PLEKHM3: variants seen among roughly 807,000 people sequenced by gnomAD.
PLEKHM3 encodes pleckstrin homology domain containing M3.
In PLEKHM3, 45 loss-of-function variants were observed where a neutral mutation model predicts 81.8. The observed-to-expected ratio is 0.55, with a 90% confidence interval of 0.43 to 0.71. PLEKHM3 has a LOEUF of 0.71. PLEKHM3 is among the 30% of genes least tolerant of loss of function. The pLI, the probability that PLEKHM3 is intolerant of heterozygous loss-of-function variation, is 0.00. For synonymous variants in PLEKHM3, 352 were observed against 356.4 expected (o/e 0.99, Z 0.14); for missense variants, 788 against 924.3 (o/e 0.85, Z 1.91).
At chr2:207,945,707 G>A (rs1278787109) in intron 4 of PLEKHM3, among the ~76,000 whole-genome samples, 1 of 152,140 alleles carries the variant, frequency 6.6e-6, no homozygotes, top group African/African-American at 2.4e-5. Flanking sequence ...TTTGAGACCA[G>A]CCTGGGGAAC....
intron 3 of PLEKHM3, among the ~76,000 whole-genome samples, chr2:207,959,387 A>T (rs1690653960): frequency 1.3e-5 from 2 of 152,238 alleles, no homozygotes. Context: ...CTATTGGCTT[A>T]GAGGTTCAGA....
At chr2:207,838,299 C>A (rs2092331589) in intron 7 of PLEKHM3, among the ~76,000 whole-genome samples, 1 of 152,082 alleles carries the variant, frequency 6.6e-6, no homozygotes, top group East Asian at 1.9e-4. Context: ...GTATGTCCTG[C>A]AATGCTCTTT....
chr2:207,908,517 C>T lies in PLEKHM3; in HGVS notation c.1947G>A (p.Gln649=). The change falls in exon 6 of 8, where the codon CAG becomes CAA. Residue 649 remains glutamine (Q), a synonymous_variant. Coordinates refer to ENST00000427836, the MANE Select transcript of PLEKHM3 (RefSeq NM_001080475.3). ...AACAGCCCCTCTGAGCACTTACCTG[C>T]TGCAGGTCGGCAAGTGAATACAGGT... ...QIHLYSLADL[Q]QVIEGKLAPF... The T allele has an allele frequency of 6.2e-7, 1 of 1,611,184 alleles. No individual in the cohort carries two copies. Among genetic ancestry groups the T allele is most frequent in the African/African-American group, 1.3e-5 (1 of 74,846 alleles).
At chr2:207,865,996 C>T (rs1025916435) in intron 6 of PLEKHM3, among the ~76,000 whole-genome samples, 6 of 150,216 alleles carry the variant, frequency 4.0e-5, no homozygotes, top group Admixed American at 1.3e-4. Context: ...CTCTTTTTTC[C>T]ACCCTGCCCT....
chr2:207,868,978 G>A (rs1354119737), intron 6 of PLEKHM3: 10 of 152,178 alleles, frequency 6.6e-5, no homozygotes, highest in African/African-American at 1.4e-4. Context: ...ACAAGCATAC[G>A]TAATTTTGCC....
intron 5 of PLEKHM3, among the ~76,000 whole-genome samples, chr2:207,913,141 G>A (rs1688862573): frequency 6.6e-6 from 1 of 152,118 alleles, no homozygotes; most frequent in Admixed American, 6.5e-5. Context: ...TAAGGAAGAG[G>A]AGTTGTCTTG....
rs372390482 is a variant in PLEKHM3 at position 208,007,918 on chromosome 2, T to C, written c.-318-5961A>G. On this transcript the variant is annotated intron_variant, in intron 1 of 7. Transcript: ENST00000427836. The stretch of plus-strand genomic sequence containing the variant: ...AATACAAAAAATTAGCTGAGCATGG[T>C]GGCGGGTACCTGTAGTCCCAGCTAC... Among the ~76,000 whole-genome samples, 8 of 152,240 alleles carry C rather than the reference T, an allele frequency of 5.3e-5. No individual in the cohort carries two copies. The East Asian group carries it at 9.7e-4, about 18-fold the overall frequency.
chr2:207,963,511 GAAAGCAGGA>G (rs1336838921), intron 3 of PLEKHM3, among the ~76,000 whole-genome samples: 4 of 152,212 alleles, frequency 2.6e-5, no homozygotes, highest in Admixed American at 2.0e-4. Flanking sequence ...AAGTCAGAAT[GAAAGCAGGA>G]AAACTGGTTA....
intron 3 of PLEKHM3, among the ~76,000 whole-genome samples, chr2:207,968,765 G>A (rs61089551): frequency 0.029 from 4,463 of 152,164 alleles, 231 homozygotes; most frequent in African/African-American, 0.1. Context: ...GCCCTTTATC[G>A]CACACAAATA....
chr2:207,850,926 G>A (rs562622871), intron 7 of PLEKHM3, among the ~76,000 whole-genome samples: 107 of 151,750 alleles, frequency 7.1e-4, no homozygotes, highest in African/African-American at 2.5e-3. Flanking sequence ...AGGCCAAGGC[G>A]GGTGGACCAC....
chr2:207,956,424 G>A (rs1483723451), intron 3 of PLEKHM3, among the ~76,000 whole-genome samples: 1 of 151,866 alleles, frequency 6.6e-6, no homozygotes, highest in Non-Finnish European at 1.5e-5. Flanking sequence ...AGTGAGCCAA[G>A]ATTGAACCAT....
intron 6 of PLEKHM3, among the ~76,000 whole-genome samples, chr2:207,870,982 C>A (rs1464164018): frequency 6.6e-6 from 1 of 152,052 alleles, no homozygotes; most frequent in Non-Finnish European, 1.5e-5. Flanking sequence ...GTGGTATGCA[C>A]CTGTAGTCCA....
chr2:207,997,340 C>T (rs961481009), intron 2 of PLEKHM3, among the ~76,000 whole-genome samples: 1 of 152,034 alleles, frequency 6.6e-6, no homozygotes, highest in African/African-American at 2.4e-5. Flanking sequence ...AGAGGCCCTA[C>T]CTGATGAAGA....
chr2:207,864,423 C>T (rs1350758808), intron 6 of PLEKHM3, among the ~76,000 whole-genome samples: 1 of 152,200 alleles, frequency 6.6e-6, no homozygotes, highest in Non-Finnish European at 1.5e-5. Context: ...GATGGTAGCA[C>T]TTCAGTTGAG....
intron 5 of PLEKHM3, among the ~76,000 whole-genome samples, chr2:207,916,153 A>G (rs1228581413): frequency 6.6e-6 from 1 of 152,224 alleles, no homozygotes; most frequent in East Asian, 1.9e-4. Flanking sequence ...CATTGGCTGA[A>G]AAAATGGCAA....
chr2:207,929,221 A>G (rs1219389566), intron 5 of PLEKHM3, among the ~76,000 whole-genome samples: 2 of 152,232 alleles, frequency 1.3e-5, no homozygotes, highest in African/African-American at 4.8e-5. Context: ...CCTTGTTTCT[A>G]GAACTCCCAT....
At chr2:207,952,361 T>C (rs922630944) in intron 3 of PLEKHM3, among the ~76,000 whole-genome samples, 4 of 152,304 alleles carry the variant, frequency 2.6e-5, no homozygotes, top group African/African-American at 9.6e-5. Flanking sequence ...CTGTGTAAAA[T>C]GTTGCTTGAA....
intron 5 of PLEKHM3, among the ~76,000 whole-genome samples, chr2:207,920,002 C>G (rs941428159): frequency 6.6e-6 from 1 of 152,096 alleles, no homozygotes; most frequent in Admixed American, 6.5e-5. Context: ...TTCACCAGGA[C>G]AGTTTTAATA....
intron 3 of PLEKHM3, among the ~76,000 whole-genome samples, chr2:207,952,156 G>T (rs1027777976): frequency 4.6e-5 from 7 of 152,224 alleles, no homozygotes; most frequent in South Asian, 2.1e-4. Flanking sequence ...GGAAGGAAAA[G>T]AGATAAAGAG....
Sources: gnomAD v4.1 joint callset for allele counts (sites outside exome capture counted in the v4.1 genomes callset) on GRCh38, gnomAD v4.1.1 for gene constraint, MANE v1.5 for transcripts, NCBI Gene and HGNC (gene_info 2026-07-23, HGNC 2026-07-21) for gene names.